The following NRG3 variants were observed in gnomAD, a reference collection of about 807,000 sequenced individuals.
NRG3 encodes the protein pro-neuregulin-3, membrane-bound isoform.
NRG3 carries 31 observed loss-of-function variants against 66.9 expected under a neutral mutation model. That is an observed-to-expected ratio of 0.46 (90% CI 0.35 to 0.63). The LOEUF (loss-of-function observed/expected upper bound fraction) is 0.63, where lower values mean the gene tolerates loss of function less well. NRG3 is among the 20% of genes least tolerant of loss of function. The probability of loss-of-function intolerance (pLI) is 0.00; values close to 1 mark genes in which losing one functional copy is unlikely to be tolerated. For synonymous variants in NRG3, 393 were observed against 359.4 expected (o/e 1.09, Z -1.06); for missense variants, 910 against 878.9 (o/e 1.04, Z -0.45).
At chr10:82,656,308 C>CTTTTTTTTTTTTTTTTTTT (rs3040205) in intron 2 of NRG3, among the ~76,000 whole-genome samples, 4 of 132,032 alleles carry the variant, frequency 3.0e-5, no homozygotes, top group African/African-American at 5.6e-5. Flanking sequence ...TTTCTTTTTT[C>CTTTTTTTTTTTTTTTTTTT]TTTTTTTTTT....
chr10:82,189,309 A>G (rs1423707158), intron 1 of NRG3, among the ~76,000 whole-genome samples: 1 of 152,150 alleles, frequency 6.6e-6, no homozygotes, highest in East Asian at 1.9e-4. Context: ...AGATTTTTCA[A>G]AATTTTGTCT....
At chr10:82,677,700 T>C (rs1242158967) in intron 2 of NRG3, among the ~76,000 whole-genome samples, 1 of 151,970 alleles carries the variant, frequency 6.6e-6, no homozygotes, top group East Asian at 1.9e-4. Context: ...ACCAAGGGGG[T>C]GTAAGGCAGA....
chr10:82,382,353 T>A (rs376621836), intron 2 of NRG3, among the ~76,000 whole-genome samples: 2 of 152,030 alleles, frequency 1.3e-5, no homozygotes, highest in South Asian at 2.1e-4. Context: ...TTTTATGGAC[T>A]CATTCAAATC....
At chr10:82,555,206 C>G (rs1479824992) in intron 2 of NRG3, among the ~76,000 whole-genome samples, 3 of 152,280 alleles carry the variant, frequency 2.0e-5, no homozygotes, top group East Asian at 3.9e-4. Flanking sequence ...ACCTTATTCT[C>G]TGGTCTACAA....
intron 4 of NRG3, among the ~76,000 whole-genome samples, chr10:82,871,010 A>G (rs1232527825): frequency 1.3e-5 from 2 of 152,298 alleles, no homozygotes; most frequent in Non-Finnish European, 2.9e-5. Flanking sequence ...TAGTTTATCT[A>G]AATACTCTCA....
At chr10:82,630,028 G>A (rs1362924783) in intron 2 of NRG3, among the ~76,000 whole-genome samples, 1 of 152,102 alleles carries the variant, frequency 6.6e-6, no homozygotes, top group Admixed American at 6.6e-5. Flanking sequence ...CCAGGAGCCA[G>A]GATTCACCTT....
intron 1 of NRG3, among the ~76,000 whole-genome samples, chr10:82,205,910 G>C (rs990803821): frequency 6.6e-6 from 1 of 152,112 alleles, no homozygotes; most frequent in Non-Finnish European, 1.5e-5. Context: ...ATCCAAGTCA[G>C]TTCCCAATCA....
intron 1 of NRG3, among the ~76,000 whole-genome samples, chr10:82,147,099 G>T (rs1280008219): frequency 6.6e-6 from 1 of 152,142 alleles, no homozygotes; most frequent in Non-Finnish European, 1.5e-5. Context: ...GCAGGTTGGG[G>T]GTCATCACTA....
chr10:82,198,595 T>TAA, intron 1 of NRG3, among the ~76,000 whole-genome samples: 1 of 152,286 alleles, frequency 6.6e-6, no homozygotes, highest in South Asian at 2.1e-4. Flanking sequence ...CTCTGAGGTT[T>TAA]AAAAAAGTGT....
intron 1 of NRG3, among the ~76,000 whole-genome samples, chr10:82,025,846 T>C (rs1564748343): frequency 1.3e-5 from 2 of 152,096 alleles, no homozygotes; most frequent in Admixed American, 6.6e-5. Flanking sequence ...TTTTGTTTTG[T>C]TTTGTTTTGA....
At position 82,879,278 on chromosome 10, in the gene NRG3, A is replaced by T. The variant is rs1842089321; in HGVS notation, c.1054+13841A>T. Reference sequence around the variant, plus strand: ...ATGGAAATAACACTTTTAAAAATAAATGTAAATAGTATATGTTTTTCTTAA... The same window carrying T: ...ATGGAAATAACACTTTTAAAAATAATTGTAAATAGTATATGTTTTTCTTAA... On this transcript the variant is annotated intron_variant, in intron 4 of 8. Transcript: ENST00000372141. Among the ~76,000 whole-genome samples the T allele has an allele frequency of 3.9e-5, 6 of 152,166 alleles. No homozygotes were observed. The South Asian group carries it at 1.2e-3, about 31-fold the overall frequency.
chr10:82,323,701 A>G (rs1180879037), intron 1 of NRG3, among the ~76,000 whole-genome samples: 1 of 152,040 alleles, frequency 6.6e-6, no homozygotes, highest in Non-Finnish European at 1.5e-5. Context: ...AATTACATTT[A>G]TGGTAGAGTT....
chr10:82,920,756 C>T (rs1445361306), intron 4 of NRG3, among the ~76,000 whole-genome samples: 1 of 152,064 alleles, frequency 6.6e-6, no homozygotes, highest in Non-Finnish European at 1.5e-5. Context: ...TCATAATATT[C>T]AGAAGCCAAC....
intron 1 of NRG3, among the ~76,000 whole-genome samples, chr10:82,130,583 G>A (rs1376587574): frequency 6.6e-6 from 1 of 152,056 alleles, no homozygotes; most frequent in African/African-American, 2.4e-5. Flanking sequence ...GGATTATATG[G>A]TAGTTCCATT....
intron 1 of NRG3, among the ~76,000 whole-genome samples, chr10:81,906,461 T>G (rs1387635403): frequency 6.6e-6 from 1 of 152,172 alleles, no homozygotes; most frequent in Non-Finnish European, 1.5e-5. Context: ...TTGAGAAATT[T>G]CTGAGAAAGC....
intron 1 of NRG3, among the ~76,000 whole-genome samples, chr10:82,037,831 C>G (rs1184643937): frequency 6.6e-6 from 1 of 151,920 alleles, no homozygotes; most frequent in East Asian, 1.9e-4. Flanking sequence ...AAGAATTTGG[C>G]AAACTGGGGA....
At chr10:82,904,166 C>T (rs1218200801) in intron 4 of NRG3, among the ~76,000 whole-genome samples, 1 of 152,184 alleles carries the variant, frequency 6.6e-6, no homozygotes, top group African/African-American at 2.4e-5. Flanking sequence ...TGCAGCCCAA[C>T]ACAAATTCAT....
chr10:82,350,123 G>GA (rs764963884), intron 1 of NRG3, among the ~76,000 whole-genome samples: 46 of 152,048 alleles, frequency 3.0e-4, no homozygotes, highest in Middle Eastern at 6.8e-3. Flanking sequence ...CCACGAACAT[G>GA]AAAAAATAAA....
At chr10:82,132,481 T>TATATATATCATATATATCTATC (rs1564593369) in intron 1 of NRG3, among the ~76,000 whole-genome samples, 1 of 7,316 alleles carries the variant, frequency 1.4e-4, no homozygotes, top group African/African-American at 7.0e-4. Context: ...ATATATATGA[T>TATATATATCATATATATCTATC]ATATATATAT....
Sources: gnomAD v4.1 joint callset for allele counts (sites outside exome capture counted in the v4.1 genomes callset) on GRCh38, gnomAD v4.1.1 for gene constraint, MANE v1.5 for transcripts, NCBI Gene and HGNC (gene_info 2026-07-23, HGNC 2026-07-21) for gene names.